PSD2: variants seen among roughly 807,000 people sequenced by gnomAD.
PSD2 encodes the protein PH and SEC7 domain-containing protein 2.
PSD2 carries 38 observed loss-of-function variants against 69.8 expected under a neutral mutation model. The observed-to-expected ratio is 0.54, with a 90% CI of 0.42 to 0.71. The LOEUF (loss-of-function observed/expected upper bound fraction) is 0.71. Among genes scored for constraint, PSD2 ranks in the 30% least tolerant of loss-of-function variants. The probability of loss-of-function intolerance (pLI) is 0.00; values close to 1 mark genes in which losing one functional copy is unlikely to be tolerated. For synonymous variants in PSD2, 412 were observed against 423.0 expected (o/e 0.97, Z 0.32); for missense variants, 943 against 1,014.5 (o/e 0.93, Z 0.96).
At chr5:139,752,799 G>A in the PSD2 span, among the ~76,000 whole-genome samples, 19 of 152,170 alleles carry the variant, frequency 1.2e-4, no homozygotes, top group African/African-American at 2.7e-4. Flanking sequence ...CCCGCCAAGC[G>A]CGGAGCTTTC....
chr5:139,816,013 A>AG (rs1395658847), intron 4 of PSD2, among the ~76,000 whole-genome samples: 1 of 150,900 alleles, frequency 6.6e-6, no homozygotes, highest in Non-Finnish European at 1.5e-5. Context: ...AAAAAAAAAA[A>AG]AAAGAAAATT....
chr5:139,806,448 C>T (rs1019318754), intron 1 of PSD2, among the ~76,000 whole-genome samples: 7 of 152,210 alleles, frequency 4.6e-5, no homozygotes, highest in South Asian at 4.1e-4. Context: ...GAGACAGCTA[C>T]GCTGTGGGGC....
chr5:139,771,763 A>G, the PSD2 span, among the ~76,000 whole-genome samples: 1 of 152,114 alleles, frequency 6.6e-6, no homozygotes, highest in Non-Finnish European at 1.5e-5. Context: ...GGTGTGCCAC[A>G]GGCTATTTAG....
At chr5:139,766,916 CCTT>C in the PSD2 span, among the ~76,000 whole-genome samples, 10 of 44,946 alleles carry the variant, frequency 2.2e-4, no homozygotes, top group Admixed American at 6.8e-4. Context: ...TCCCTTCCTT[CCTT>C]CCTTCCTTCC....
chr5:139,779,931 A>T, the PSD2 span, among the ~76,000 whole-genome samples: 1 of 152,204 alleles, frequency 6.6e-6, no homozygotes, highest in Admixed American at 6.6e-5. Flanking sequence ...TTGCTTCTTG[A>T]CAGACACCTG....
chr5:139,749,407 T>C, the PSD2 span, among the ~76,000 whole-genome samples: 1 of 152,222 alleles, frequency 6.6e-6, no homozygotes, highest in Non-Finnish European at 1.5e-5. Context: ...AGCTATGTTT[T>C]AAACAAAGCA....
chr5:139,759,361 C>T, the PSD2 span, among the ~76,000 whole-genome samples: 1 of 152,076 alleles, frequency 6.6e-6, no homozygotes, highest in East Asian at 1.9e-4. Flanking sequence ...CCCACATTCT[C>T]CCTGCTCCTG....
intron 2 of PSD2, 44 bp downstream of exon 2, chr5:139,809,855 T>C: frequency 6.2e-7 from 1 of 1,602,528 alleles, no homozygotes; most frequent in Non-Finnish European, 8.5e-7. Flanking sequence ...ATTTGGCTGT[T>C]CTGTTGTTGT....
the PSD2 span, among the ~76,000 whole-genome samples, chr5:139,745,841 G>T: frequency 1.8e-3 from 269 of 152,302 alleles, no homozygotes; most frequent in African/African-American, 6.3e-3. Flanking sequence ...TATTTGCGGG[G>T]TTTCCAACAT....
Position 139,826,234 on chromosome 5 carries a change from G to T in PSD2, c.1269+3450G>T, listed in dbSNP as rs182137763. 7.2e-5 allele frequency among the ~76,000 whole-genome samples: 11 copies of T among 152,292 alleles called. No homozygotes were observed. The South Asian group carries it at 2.3e-3, about 32-fold the overall frequency. The stretch of plus-strand genomic sequence containing the variant: ...GGTGAGATGAGCTCAAGAGGCGAGG[G>T]TGTGGTGGCCATAGACAGCTCTTAA... On this transcript the variant is annotated intron_variant, in intron 7 of 14. Coordinates refer to ENST00000274710, the MANE Select transcript of PSD2 (RefSeq NM_032289.4).
chr5:139,798,790 A>G (rs927846640), intron 1 of PSD2, among the ~76,000 whole-genome samples: 1 of 152,194 alleles, frequency 6.6e-6, no homozygotes, highest in Non-Finnish European at 1.5e-5. Flanking sequence ...TTGTTATCAT[A>G]CCCAAGAAGT....
chr5:139,830,592 T>TTTTC (rs1554096372), intron 7 of PSD2, among the ~76,000 whole-genome samples: 11 of 85,980 alleles, frequency 1.3e-4, no homozygotes, highest in East Asian at 6.1e-4. Flanking sequence ...CTTTCTTTCT[T>TTTTC]TTTCTTTCTT....
chr5:139,777,159 C>A, the PSD2 span, among the ~76,000 whole-genome samples: 5 of 152,356 alleles, frequency 3.3e-5, no homozygotes, highest in East Asian at 1.9e-4. Flanking sequence ...CTATAAACAA[C>A]CTTTTCAGCC....
the PSD2 span, among the ~76,000 whole-genome samples, chr5:139,750,140 A>C: frequency 6.6e-6 from 1 of 152,078 alleles, no homozygotes; most frequent in East Asian, 1.9e-4. Flanking sequence ...CCTGGCTAAC[A>C]CGGTGAAACC....
the PSD2 span, among the ~76,000 whole-genome samples, chr5:139,747,706 C>G: frequency 6.6e-6 from 1 of 152,208 alleles, no homozygotes; most frequent in Admixed American, 6.5e-5. This position sits in a 1 kb window ranked among gnomAD's most constrained non-coding sequence, Gnocchi z 6.7. Context: ...GCCGTCAGAC[C>G]CAATTTATCT....
chr5:139,819,550 G>C (rs774642995), intron 5 of PSD2, among the ~76,000 whole-genome samples: 1 of 152,132 alleles, frequency 6.6e-6, no homozygotes, highest in Non-Finnish European at 1.5e-5. Context: ...GCCTCTTGAA[G>C]CCACCCAATG....
At chr5:139,789,877 G>A in the PSD2 span, among the ~76,000 whole-genome samples, 6 of 151,926 alleles carry the variant, frequency 3.9e-5, no homozygotes, top group African/African-American at 1.5e-4. Context: ...GGAGGGGGTA[G>A]AATTTTAGTA....
chr5:139,791,224 A>G (rs557390102), upstream of PSD2, among the ~76,000 whole-genome samples: 3 of 151,836 alleles, frequency 2.0e-5, no homozygotes, highest in Non-Finnish European at 4.4e-5. Context: ...GAGCCCAGGA[A>G]GTCAAGACCA....
Position 139,838,745 on chromosome 5 carries a change from G to A in PSD2, c.1941G>A (p.Leu647=). The A allele has an allele frequency of 1.1e-5, 17 of 1,613,428 alleles. No homozygotes were observed. The highest frequency in any genetic ancestry group is 1.4e-5 in the Non-Finnish European group (17 of 1,179,908). Residue 647 remains leucine (L), a synonymous_variant, in exon 13 of 15, where the codon CTG becomes CTA. Transcript: ENST00000274710. ...SSMKKFCRPL[L]PSCTTRLCQE... ...TGAAGAAGTTCTGTCGGCCCCTGCT[G>A]CCCTCCTGCACCACCCGCCTCTGCC...
Sources: allele counts gnomAD v4.1 joint callset (sites outside exome capture counted in the v4.1 genomes callset), GRCh38; gene constraint gnomAD v4.1.1; non-coding constraint Gnocchi (gnomAD v3.1); transcripts MANE v1.5; gene names NCBI Gene and HGNC (gene_info 2026-07-23, HGNC 2026-07-21).